The following TIMP2 variants were observed in gnomAD, a reference collection of about 807,000 sequenced individuals.
TIMP2 encodes the protein TIMP metallopeptidase inhibitor 2.
Under a neutral mutation model 24.3 loss-of-function variants are expected in TIMP2, and 5 were observed. That is an observed-to-expected ratio of 0.21 (90% CI 0.11 to 0.43). The LOEUF is 0.43. Ranked by LOEUF, TIMP2 falls within the 20% of genes least tolerant of loss-of-function variation. The pLI is 1.00. For missense variants in TIMP2, 221 were observed against 297.5 expected (o/e 0.74, Z 1.89); for synonymous variants, 130 against 123.2 (o/e 1.06, Z -0.37).
At chr17:78,901,858 A>T in intron 1 of TIMP2, 1 of 703,854 alleles carries the variant, frequency 1.4e-6, no homozygotes, top group Non-Finnish European at 2.7e-6. Flanking sequence ...ACAGGAGGGC[A>T]GGAAGCACTG....
Position 78,920,100 on chromosome 17 carries a change from C to G in TIMP2, c.130+4859G>C, listed in dbSNP as rs181186039. Among the ~76,000 whole-genome samples, 1 of 152,202 alleles carries G rather than the reference C, an allele frequency of 6.6e-6. No individual in the cohort carries two copies. Among genetic ancestry groups the G allele is most frequent in the Non-Finnish European group, 1.5e-5 (1 of 68,038 alleles). On this transcript the variant is annotated intron_variant, in intron 1 of 4. Coordinates refer to ENST00000262768, the MANE Select transcript of TIMP2 (RefSeq NM_003255.5). This position sits in a 1 kb window ranked among gnomAD's most constrained non-coding sequence, Gnocchi z 4.5. ...AACCCAAGACGTTCACCCCTACACA[C>G]GACCCCCACTGCATCGAGTCAGTGG...
At chr17:78,914,589 T>TG (rs201456743) in intron 1 of TIMP2, among the ~76,000 whole-genome samples, 1 of 147,756 alleles carries the variant, frequency 6.8e-6, no homozygotes, top group Non-Finnish European at 1.5e-5. Flanking sequence ...AGCCAAGCTG[T>TG]TTTTTTTTTC....
chr17:78,884,398 GC>G, intron 1 of TIMP2, among the ~76,000 whole-genome samples: 1 of 152,228 alleles, frequency 6.6e-6, no homozygotes, highest in East Asian at 1.9e-4. Flanking sequence ...CTGTCTTTGA[GC>G]CCTGGCTGTT....
At chr17:78,907,011 T>C (rs563571208) in intron 1 of TIMP2, among the ~76,000 whole-genome samples, 1 of 152,306 alleles carries the variant, frequency 6.6e-6, no homozygotes, top group East Asian at 1.9e-4. Flanking sequence ...TCAACACGCC[T>C]TCCTCACTAA....
chr17:78,916,759 C>T (rs986720807), intron 1 of TIMP2, among the ~76,000 whole-genome samples: 74 of 152,368 alleles, frequency 4.9e-4, no homozygotes, highest in African/African-American at 1.7e-3. Context: ...ACTGCCGGGC[C>T]TCCAGGCTTT....
chr17:78,862,728 G>A (rs552259180), intron 3 of TIMP2, among the ~76,000 whole-genome samples: 1 of 152,302 alleles, frequency 6.6e-6, no homozygotes, highest in East Asian at 1.9e-4. Context: ...CCACCTCCTT[G>A]TATTCCCCAG....
Position 78,918,065 on chromosome 17 carries a change from A to AACACACACACACAC in TIMP2, c.130+6880_130+6893dup, listed in dbSNP as rs57256110. ...AAAAACACGTACGCGTGCACACACA[A>AACACACACACACAC]ACACACACACACACACACACACACA... On this transcript the variant is annotated intron_variant, in intron 1 of 4. Transcript: ENST00000262768. Among the ~76,000 whole-genome samples the AACACACACACACAC allele has an allele frequency of 3.0e-3, 439 of 144,912 alleles. 2 individuals carry two copies. Among genetic ancestry groups the AACACACACACACAC allele is most frequent in the Middle Eastern group, 0.014 (4 of 286 alleles).
chr17:78,886,546 CG>C (rs1567998006), intron 1 of TIMP2, among the ~76,000 whole-genome samples: 1 of 152,096 alleles, frequency 6.6e-6, no homozygotes, highest in African/African-American at 2.4e-5. Context: ...AGCAGGAGCA[CG>C]GTGACACCCC....
At chr17:78,856,141 A>C in intron 4 of TIMP2, 1 of 487,074 alleles carries the variant, frequency 2.1e-6, no homozygotes, top group Non-Finnish European at 3.8e-6. Context: ...GCATGACAGA[A>C]TGGCCTCAGC....
At chr17:78,887,845 A>C (rs970856035) in intron 1 of TIMP2, among the ~76,000 whole-genome samples, 2 of 152,020 alleles carry the variant, frequency 1.3e-5, no homozygotes, top group Non-Finnish European at 2.9e-5. Context: ...CCTTTGATTC[A>C]AATGCATCAG....
intron 2 of TIMP2, among the ~76,000 whole-genome samples, chr17:78,872,941 G>T (rs2069698044): frequency 6.6e-6 from 1 of 151,576 alleles, no homozygotes; most frequent in Non-Finnish European, 1.5e-5. Flanking sequence ...GTGTTCTCCT[G>T]CCTCAGCCTC....
intron 1 of TIMP2, chr17:78,903,010 ACTCTCCGGGGCCCT>A (rs2070119520): frequency 6.6e-6 from 1 of 152,050 alleles, no homozygotes; most frequent in African/African-American, 2.4e-5. Flanking sequence ...TCCTTGGCCC[ACTCTCCGGGGCCCT>A]CTTGGGAGCC....
chr17:78,892,159 C>T, intron 1 of TIMP2: 1 of 1,550,968 alleles, frequency 6.4e-7, no homozygotes, highest in Non-Finnish European at 8.7e-7. Flanking sequence ...GATACCCTCT[C>T]CTCAACTCCT....
rs2069514174 is a variant in TIMP2, at chr17:78,855,018, G to C, written c.*649C>G. 6.6e-6 allele frequency: 1 copy of C among 152,630 alleles called. No homozygotes were observed. The allele number at this position is 152,630 out of a possible 1,614,324, so 9.5% of individuals were successfully genotyped here. On this transcript the variant is annotated 3_prime_UTR_variant, in exon 5 of 5. Coordinates refer to ENST00000262768, the MANE Select transcript of TIMP2 (RefSeq NM_003255.5). This position sits in a 1 kb window ranked among gnomAD's most constrained non-coding sequence, Gnocchi z 6.0. ...GGTTTCTCGCTCCCATTTCTACAAGGCTCAGAGGGAGGCTCCCACTGGAAT... is the reference window on the plus strand; with the variant it reads ...GGTTTCTCGCTCCCATTTCTACAAGCCTCAGAGGGAGGCTCCCACTGGAAT...
chr17:78,872,432 C>T (rs1448913567), intron 2 of TIMP2, among the ~76,000 whole-genome samples: 5 of 152,108 alleles, frequency 3.3e-5, no homozygotes, highest in Non-Finnish European at 5.9e-5. Context: ...CTTTCAGGAA[C>T]GCACCTGCTG....
chr17:78,858,163 C>G (rs774853942), intron 3 of TIMP2, among the ~76,000 whole-genome samples: 15 of 152,126 alleles, frequency 9.9e-5, no homozygotes, highest in African/African-American at 3.6e-4. Flanking sequence ...AACTTCCTGG[C>G]CAGGGGCGGT....
chr17:78,875,979 G>A (rs1308284628), intron 1 of TIMP2, among the ~76,000 whole-genome samples: 1 of 152,138 alleles, frequency 6.6e-6, no homozygotes, highest in African/African-American at 2.4e-5. Context: ...AAGGCCACAG[G>A]TTCCTGTTTC....
chr17:78,902,102 CG>C (rs2070103174), intron 1 of TIMP2, among the ~76,000 whole-genome samples: 1 of 152,148 alleles, frequency 6.6e-6, no homozygotes, highest in Non-Finnish European at 1.5e-5. Context: ...GGCGGGGGGA[CG>C]GGGGTCCCAA....
At chr17:78,915,403 C>G (rs2070247449) in intron 1 of TIMP2, among the ~76,000 whole-genome samples, 1 of 152,196 alleles carries the variant, frequency 6.6e-6, no homozygotes, top group African/African-American at 2.4e-5. Context: ...CATCCGTCAC[C>G]TGTAGAGCTT....
Sources: gnomAD v4.1 joint callset for allele counts (sites outside exome capture counted in the v4.1 genomes callset) on GRCh38, gnomAD v4.1.1 for gene constraint, Gnocchi (gnomAD v3.1) non-coding constraint, MANE v1.5 for transcripts, NCBI Gene and HGNC (gene_info 2026-07-23, HGNC 2026-07-21) for gene names.